The following SCHIP1 variants were observed in gnomAD, a reference collection of about 807,000 sequenced individuals.
The protein encoded by SCHIP1 is schwannomin interacting protein 1.
SCHIP1 carries 8 observed loss-of-function variants against 29.7 expected under a neutral mutation model. The observed-to-expected ratio is 0.27, with a 90% CI of 0.16 to 0.49. SCHIP1 has a LOEUF of 0.49. SCHIP1 is among the 20% of genes least tolerant of loss of function. SCHIP1 has a pLI of 0.99. For synonymous variants in SCHIP1, 76 were observed against 94.9 expected, an observed-to-expected ratio of 0.80 and a Z score of 1.16; for missense variants, 193 against 294.6, an observed-to-expected ratio of 0.66 and a Z score of 2.52.
chr3:159,508,200 T>G, the SCHIP1 span, among the ~76,000 whole-genome samples: 1 of 152,100 alleles, frequency 6.6e-6, no homozygotes, highest in Non-Finnish European at 1.5e-5. Flanking sequence ...CTTGGGAGGG[T>G]GTATGTGTCG....
the SCHIP1 span, among the ~76,000 whole-genome samples, chr3:159,484,913 T>G: frequency 6.6e-6 from 1 of 152,202 alleles, no homozygotes; most frequent in Non-Finnish European, 1.5e-5. Context: ...TTTCAGCATG[T>G]TGGATTCTCC....
At chr3:159,504,828 G>A in the SCHIP1 span, among the ~76,000 whole-genome samples, 1 of 152,072 alleles carries the variant, frequency 6.6e-6, no homozygotes, top group Non-Finnish European at 1.5e-5. Flanking sequence ...CGTTTTCACT[G>A]AGCTGACAGT....
At chr3:159,356,566 A>C in the SCHIP1 span, among the ~76,000 whole-genome samples, 1,008 of 152,334 alleles carry the variant, frequency 6.6e-3, 9 homozygotes, top group Non-Finnish European at 0.01. Context: ...AGTATGGAAG[A>C]AAATAGTCAT....
chr3:159,644,562 C>T, the SCHIP1 span, among the ~76,000 whole-genome samples: 1 of 152,016 alleles, frequency 6.6e-6, no homozygotes, highest in Non-Finnish European at 1.5e-5. Context: ...TTGGTGACCA[C>T]AGAAAGATTG....
chr3:159,312,481 C>T, the SCHIP1 span, among the ~76,000 whole-genome samples: 2 of 152,150 alleles, frequency 1.3e-5, no homozygotes, highest in Non-Finnish European at 2.9e-5. Context: ...TCGCAAGTGA[C>T]GTGCATCGCC....
chr3:159,368,380 C>T, the SCHIP1 span, among the ~76,000 whole-genome samples: 1 of 152,190 alleles, frequency 6.6e-6, no homozygotes, highest in Non-Finnish European at 1.5e-5. Context: ...TCTTATTTCA[C>T]ACATCTAGCC....
chr3:159,573,031 C>A, the SCHIP1 span, among the ~76,000 whole-genome samples: 1 of 151,614 alleles, frequency 6.6e-6, no homozygotes. Context: ...GGGTCTCCTG[C>A]ACACAACACA....
the SCHIP1 span, among the ~76,000 whole-genome samples, chr3:159,773,854 A>C: frequency 6.6e-6 from 1 of 152,246 alleles, no homozygotes; most frequent in Non-Finnish European, 1.5e-5. Context: ...GTTCTATCTA[A>C]AGAGTACCCT....
At chr3:159,418,572 T>C in the SCHIP1 span, among the ~76,000 whole-genome samples, 1 of 152,256 alleles carries the variant, frequency 6.6e-6, no homozygotes, top group East Asian at 1.9e-4. Context: ...ACTAACATTA[T>C]AATGTTTCTT....
the SCHIP1 span, among the ~76,000 whole-genome samples, chr3:159,698,241 G>A: frequency 6.6e-6 from 1 of 152,204 alleles, no homozygotes; most frequent in Non-Finnish European, 1.5e-5. Flanking sequence ...AGACCAAACA[G>A]TGTCTGCCAG....
chr3:159,809,830 G>A, the SCHIP1 span, among the ~76,000 whole-genome samples: 1 of 151,994 alleles, frequency 6.6e-6, no homozygotes, highest in South Asian at 2.1e-4. Context: ...GTGAAACCCT[G>A]TCTCTACAAA....
the SCHIP1 span, among the ~76,000 whole-genome samples, chr3:159,667,456 G>A: frequency 9.8e-5 from 15 of 152,340 alleles, no homozygotes; most frequent in South Asian, 2.9e-3. Flanking sequence ...GGGTTCTTGA[G>A]TCATTCCTGA....
chr3:159,554,626 G>C, the SCHIP1 span, among the ~76,000 whole-genome samples: 1 of 152,004 alleles, frequency 6.6e-6, no homozygotes, highest in African/African-American at 2.4e-5. Flanking sequence ...TCTTCCCTCC[G>C]TGGCTCCAGC....
the SCHIP1 span, among the ~76,000 whole-genome samples, chr3:159,703,528 C>A: frequency 6.6e-6 from 1 of 151,914 alleles, no homozygotes; most frequent in Admixed American, 6.6e-5. Flanking sequence ...CAGGACATAC[C>A]ATAATATTTT....
chr3:159,809,041 G>A, the SCHIP1 span, among the ~76,000 whole-genome samples: 275 of 150,394 alleles, frequency 1.8e-3, 4 homozygotes, highest in Admixed American at 0.016. Flanking sequence ...CAACATGCAG[G>A]TTTGTTACAT....
chr3:159,564,661 C>A, the SCHIP1 span, among the ~76,000 whole-genome samples: 1 of 152,216 alleles, frequency 6.6e-6, no homozygotes, highest in Non-Finnish European at 1.5e-5. Flanking sequence ...CAGTTGTGAG[C>A]CACTGTGGCC....
At chr3:159,638,806 C>T in the SCHIP1 span, among the ~76,000 whole-genome samples, 15 of 151,856 alleles carry the variant, frequency 9.9e-5, no homozygotes, top group South Asian at 2.1e-4. Context: ...CATATGCATA[C>T]GTATTTATGA....
the SCHIP1 span, among the ~76,000 whole-genome samples, chr3:159,828,374 T>TAC: frequency 2.1e-3 from 197 of 94,730 alleles, 22 homozygotes; most frequent in African/African-American, 7.7e-3. Flanking sequence ...TATATATATA[T>TAC]ACATATATAT....
At chr3:159,661,549 ATAAAT>A in the SCHIP1 span, among the ~76,000 whole-genome samples, 1 of 152,240 alleles carries the variant, frequency 6.6e-6, no homozygotes, top group Non-Finnish European at 1.5e-5. Flanking sequence ...TAGCCTAGAA[ATAAAT>A]TAAAGAGTGT....
Sources: allele counts gnomAD v4.1 joint callset (sites outside exome capture counted in the v4.1 genomes callset), GRCh38; gene constraint gnomAD v4.1.1; transcripts MANE v1.5; gene names NCBI Gene and HGNC (gene_info 2026-07-23, HGNC 2026-07-21).